The following LUC7L3 variants were observed in gnomAD, a reference collection of about 807,000 sequenced individuals.
The protein encoded by LUC7L3 is luc7-like protein 3.
In LUC7L3, 6 loss-of-function variants were observed where a neutral mutation model predicts 66.8. The observed-to-expected ratio is 0.09, with a 90% CI of 0.05 to 0.18. The LOEUF (loss-of-function observed/expected upper bound fraction) is 0.18, where lower values mean the gene tolerates loss of function less well. LUC7L3 is among the 10% of genes least tolerant of loss of function. The probability of loss-of-function intolerance (pLI) is 1.00; values close to 1 mark genes in which losing one functional copy is unlikely to be tolerated. For missense variants in LUC7L3, 341 were observed against 531.1 expected (o/e 0.64, Z 3.52); for synonymous variants, 160 against 174.7 (o/e 0.92, Z 0.66).
At chr17:50,730,555 A>C (rs11658064) in intron 1 of LUC7L3, among the ~76,000 whole-genome samples, 4 of 150,270 alleles carry the variant, frequency 2.7e-5, no homozygotes, top group South Asian at 2.1e-4. Context: ...AAAATAGTGC[A>C]GACAGCATTG....
intron 1 of LUC7L3, chr17:50,724,000 A>G (rs1166738140): frequency 2.2e-5 from 10 of 454,274 alleles, no homozygotes; most frequent in South Asian, 1.6e-5. Flanking sequence ...CCAGCAGTCC[A>G]TGTGTTATAT....
chr17:50,731,011 G>T (rs888127991), intron 1 of LUC7L3, among the ~76,000 whole-genome samples: 5 of 151,116 alleles, frequency 3.3e-5, no homozygotes, highest in African/African-American at 1.2e-4. Context: ...TTTATTAAGA[G>T]GATAAGTTAT....
intron 8 of LUC7L3, among the ~76,000 whole-genome samples, chr17:50,746,325 TGAA>T (rs934393318): frequency 2.0e-5 from 3 of 152,226 alleles, no homozygotes; most frequent in African/African-American, 7.2e-5. Context: ...AATTACAAAT[TGAA>T]GAAGAGTCTT....
chr17:50,750,473 C>G, intron 9 of LUC7L3, 28 bp from the exon 10 acceptor site: 1 of 1,581,480 alleles, frequency 6.3e-7, no homozygotes, highest in African/African-American at 1.4e-5. Flanking sequence ...ACTTTAAAAT[C>G]CATGGTCAAT....
chr17:50,722,816 A>T (rs1447862329), intron 1 of LUC7L3: 1 of 152,232 alleles, frequency 6.6e-6, no homozygotes, highest in African/African-American at 2.4e-5. Context: ...AACTTTGTAG[A>T]TTGCTACCTC....
In LUC7L3 at chr17:50,750,921, A is replaced by T. The variant is rs1970946357; in HGVS notation, c.*260A>T. On this transcript the variant is annotated 3_prime_UTR_variant, in exon 10 of 10. Coordinates refer to ENST00000505658, the MANE Select transcript of LUC7L3 (RefSeq NM_016424.5). ...CCATTAGTGTGCCTCTTTGGAAATTATCGCCCACATTTGTAATATAGTCGC... is the reference window on the plus strand; with the variant it reads ...CCATTAGTGTGCCTCTTTGGAAATTTTCGCCCACATTTGTAATATAGTCGC... 2.6e-6 allele frequency: 4 copies of T among 1,534,476 alleles called. No homozygotes were observed. In the East Asian group the frequency reaches 7.3e-5, roughly 28 times the overall value.
chr17:50,741,227 A>G lies in LUC7L3; in HGVS notation c.332A>G (p.Gln111Arg), dbSNP rs375493979. The G allele has an allele frequency of 6.2e-7, 1 of 1,613,574 alleles. No individual in the cohort carries two copies. Among genetic ancestry groups the G allele is most frequent in the Non-Finnish European group, 8.5e-7 (1 of 1,179,592 alleles). The change falls in exon 4 of 10, where the codon CAA becomes CGA. Residue 111 changes from glutamine to arginine, a missense_variant. Transcript: ENST00000505658. ...GGCCATGCTCGTTTGGCATTATCTC[A>G]AAACCAGCAGTCTTCTGGGGTAAGT... ...RRGHARLALS[Q>R]NQQSSGAAGP...
chr17:50,727,104 C>T (rs1483031641), intron 1 of LUC7L3, among the ~76,000 whole-genome samples: 2 of 151,938 alleles, frequency 1.3e-5, no homozygotes, highest in Non-Finnish European at 2.9e-5. Flanking sequence ...AAAAAGAATA[C>T]AGTATATAAT....
chr17:50,751,476 G>A lies in LUC7L3; in HGVS notation c.*815G>A. 1.7e-6 allele frequency: 2 copies of A among 1,208,414 alleles called. No individual in the cohort carries two copies. The highest frequency in any genetic ancestry group is 2.1e-6 in the Non-Finnish European group (2 of 950,114). The allele number at this position is 1,208,414 out of a possible 1,614,324, so 74.9% of individuals were successfully genotyped here. On this transcript the variant is annotated 3_prime_UTR_variant, in exon 10 of 10. Transcript: ENST00000505658. ...TTTTGTTCTTTACAAGAAGTGCAGA[G>A]GGGTTTTTTGTGTATTGCGTGAAAA...
At chr17:50,724,050 C>A (rs1301988847) in intron 1 of LUC7L3, 4 of 439,664 alleles carry the variant, frequency 9.1e-6, no homozygotes, top group East Asian at 1.5e-4. Flanking sequence ...CCAAAACATA[C>A]AGAATTAGAG....
chr17:50,738,514 A>C (rs1166633002), intron 2 of LUC7L3, among the ~76,000 whole-genome samples: 1 of 152,214 alleles, frequency 6.6e-6, no homozygotes, highest in Non-Finnish European at 1.5e-5. Context: ...ATGAGAAGAC[A>C]CTATATTCTT....
chr17:50,741,325 T>G, intron 4 of LUC7L3, 79 bp downstream of exon 4: 1 of 1,368,412 alleles, frequency 7.3e-7, no homozygotes, highest in Non-Finnish European at 1.0e-6. Context: ...TTTTTGAAAC[T>G]TGTCTTCTGT....
intron 1 of LUC7L3, among the ~76,000 whole-genome samples, chr17:50,728,114 C>T (rs1488280311): frequency 3.4e-4 from 10 of 29,418 alleles, no homozygotes; most frequent in African/African-American, 1.4e-3. Flanking sequence ...CGAGATCTGT[C>T]TCAAAAAAAA....
chr17:50,751,753 G>A lies in LUC7L3; in HGVS notation c.*1092G>A. 1.9e-6 allele frequency: 2 copies of A among 1,028,854 alleles called. No homozygotes were observed. Among genetic ancestry groups the A allele is most frequent in the African/African-American group, 3.5e-5 (2 of 57,934 alleles). The allele number at this position is 1,028,854 out of a possible 1,614,324, so 63.7% of individuals were successfully genotyped here. The stretch of plus-strand genomic sequence containing the variant: ...CTCACTGGCTGATACATTTAAAGCA[G>A]CAGTGTGAATAGCAAGGACAGACAC... On this transcript the variant is annotated 3_prime_UTR_variant, in exon 10 of 10. Coordinates refer to ENST00000505658, the MANE Select transcript of LUC7L3 (RefSeq NM_016424.5).
In LUC7L3 at chr17:50,719,641, G is replaced by C. The variant is rs1471763816; in HGVS notation, c.-92G>C. 2 of 1,104,016 alleles carry C rather than the reference G, an allele frequency of 1.8e-6. No homozygotes were observed. Among genetic ancestry groups the C allele is most frequent in the Non-Finnish European group, 2.7e-6 (2 of 747,168 alleles). 68.4% of individuals were successfully genotyped at this position (1,104,016 alleles called of 1,614,324 possible). A position where few individuals can be genotyped will look rare whatever the true frequency, so the allele number is the denominator to read the frequency against. The stretch of plus-strand genomic sequence containing the variant: ...CTGTGTGTAGGAGGGATTTCGGCCT[G>C]AGAGCGGGCCGAGGAGATTGGCGAC... On this transcript the variant is annotated 5_prime_UTR_variant, in exon 1 of 10. Coordinates refer to ENST00000505658, the MANE Select transcript of LUC7L3 (RefSeq NM_016424.5).
intron 1 of LUC7L3, among the ~76,000 whole-genome samples, chr17:50,734,546 G>A (rs1969853401): frequency 6.6e-6 from 1 of 152,134 alleles, no homozygotes; most frequent in Non-Finnish European, 1.5e-5. Flanking sequence ...CTGTTCACAG[G>A]TGTGGTCCTA....
intron 9 of LUC7L3, among the ~76,000 whole-genome samples, chr17:50,747,157 GCTTACATGTGT>G (rs1970717321): frequency 6.7e-6 from 1 of 150,190 alleles, no homozygotes; most frequent in South Asian, 2.1e-4. Flanking sequence ...AAGTTGAATT[GCTTACATGTGT>G]CTTACCCACG....
rs1970989533 is a variant in LUC7L3 at position 50,751,898 on chromosome 17, C to T, written c.*1237C>T. The T allele has an allele frequency of 2.9e-6, 3 of 1,023,748 alleles. No individual in the cohort carries two copies. The highest frequency in any genetic ancestry group is 3.5e-6 in the Non-Finnish European group (3 of 852,830). 63.4% of individuals were successfully genotyped at this position (1,023,748 alleles called of 1,614,324 possible). ...AAACCTGTAAACTTCATTCTGTGGG[C>T]TAGTGGTGTGGGACAAAATATTCCT... On this transcript the variant is annotated 3_prime_UTR_variant, in exon 10 of 10. Transcript: ENST00000505658.
At chr17:50,731,872 T>C (rs763271847) in intron 1 of LUC7L3, among the ~76,000 whole-genome samples, 1 of 152,138 alleles carries the variant, frequency 6.6e-6, no homozygotes, top group Non-Finnish European at 1.5e-5. Flanking sequence ...AAAATAATAA[T>C]GTGCAGCGGA....
Sources: gnomAD v4.1 joint callset for allele counts (sites outside exome capture counted in the v4.1 genomes callset) on GRCh38, gnomAD v4.1.1 for gene constraint, MANE v1.5 for transcripts, NCBI Gene and HGNC (gene_info 2026-07-23, HGNC 2026-07-21) for gene names.